Variants in CAMTA1 observed in about 807,000 individuals in gnomAD.
CAMTA1 encodes the protein calmodulin-binding transcription activator 1.
A neutral mutation model predicts 170.9 loss-of-function variants in CAMTA1; 27 were observed. The observed-to-expected ratio is 0.16, with a 90% confidence interval of 0.12 to 0.22. The LOEUF (loss-of-function observed/expected upper bound fraction) is 0.22, where lower values mean the gene tolerates loss of function less well. Among genes scored for constraint, CAMTA1 ranks in the 10% least tolerant of loss-of-function variants. CAMTA1 has a pLI of 1.00. For missense variants in CAMTA1, 1,619 were observed against 2,217.2 expected, an observed-to-expected ratio of 0.73 and a Z score of 5.42; for synonymous variants, 833 against 891.5, an observed-to-expected ratio of 0.93 and a Z score of 1.17.
intron 4 of CAMTA1, among the ~76,000 whole-genome samples, chr1:7,159,056 C>A (rs934008002): frequency 6.6e-6 from 1 of 151,572 alleles, no homozygotes; most frequent in Non-Finnish European, 1.5e-5. Context: ...TGAAGTGTTA[C>A]GTACTATTTT....
chr1:6,876,182 G>T (rs993217519), intron 3 of CAMTA1, among the ~76,000 whole-genome samples: 1 of 151,650 alleles, frequency 6.6e-6, no homozygotes, highest in Non-Finnish European at 1.5e-5. Context: ...TCTTTTATGG[G>T]TTTATCGTTC....
At chr1:7,544,296 A>G (rs2094657468) in intron 6 of CAMTA1, among the ~76,000 whole-genome samples, 1 of 152,240 alleles carries the variant, frequency 6.6e-6, no homozygotes, top group South Asian at 2.1e-4. Flanking sequence ...CGAGAACAGT[A>G]TGGGGGCAAC....
chr1:7,077,142 G>A (rs1011949937), intron 3 of CAMTA1, among the ~76,000 whole-genome samples: 3 of 151,614 alleles, frequency 2.0e-5, no homozygotes, highest in African/African-American at 7.3e-5. Context: ...TGAGGCATTT[G>A]CTAATGAATC....
intron 3 of CAMTA1, among the ~76,000 whole-genome samples, chr1:6,954,405 T>G (rs1689080674): frequency 6.6e-6 from 1 of 152,210 alleles, no homozygotes; most frequent in Non-Finnish European, 1.5e-5. Context: ...TTATTTATCC[T>G]CATAAACCAT....
In CAMTA1 at chr1:7,609,150, G is replaced by A. The variant is rs1188420467; in HGVS notation, c.511-31250G>A. Among the ~76,000 whole-genome samples, 1 of 152,122 alleles carries A rather than the reference G, an allele frequency of 6.6e-6. No homozygotes were observed. Among genetic ancestry groups the A allele is most frequent in the African/African-American group, 2.4e-5 (1 of 41,436 alleles). Reference sequence around the variant, plus strand: ...CCCTTCCCACTACCGGCCTAGCCCTGCCGCCTGTGCCTTGCCTCCTGGCCT... The same window carrying A: ...CCCTTCCCACTACCGGCCTAGCCCTACCGCCTGTGCCTTGCCTCCTGGCCT... On this transcript the variant is annotated intron_variant, in intron 6 of 22. Coordinates refer to ENST00000303635, the MANE Select transcript of CAMTA1 (RefSeq NM_015215.4). This position sits in a 1 kb window ranked among gnomAD's most constrained non-coding sequence, Gnocchi z 4.4.
chr1:7,046,329 G>C (rs1279368667), intron 3 of CAMTA1, among the ~76,000 whole-genome samples: 1 of 152,170 alleles, frequency 6.6e-6, no homozygotes, highest in East Asian at 1.9e-4. Context: ...GGCTTGGTTG[G>C]ACCTGGAACA....
At chr1:7,132,609 G>A (rs1486024685) in intron 4 of CAMTA1, among the ~76,000 whole-genome samples, 3 of 152,208 alleles carry the variant, frequency 2.0e-5, no homozygotes, top group South Asian at 4.1e-4. Flanking sequence ...ACTTTGGGAG[G>A]CTGAGGCTGG....
rs184716709 is a variant in CAMTA1, at chr1:7,625,646, C to G, written c.511-14754C>G. Among the ~76,000 whole-genome samples the G allele has an allele frequency of 2.4e-4, 37 of 152,374 alleles. No homozygotes were observed. The East Asian group carries it at 5.4e-3, about 22-fold the overall frequency. ...CACGAGCTTGCTCTCCTCTGCCATT[C>G]GCAATGGGCTGGCATAGGGCAGCCT... On this transcript the variant is annotated intron_variant, in intron 6 of 22. Coordinates refer to ENST00000303635, the MANE Select transcript of CAMTA1 (RefSeq NM_015215.4).
Position 7,664,926 on chromosome 1 carries a change from C to T in CAMTA1, c.2379C>T (p.His793=), listed in dbSNP as rs759748849. The T allele has an allele frequency of 1.9e-6, 3 of 1,613,130 alleles. No individual in the cohort carries two copies. The East Asian group carries it at 6.7e-5, about 36-fold the overall frequency. ...VEGGSSTIYG[H]QLVSGDSTAL... is the part of the protein sequence containing the mutation. ...GGGGCAGCAGCACCATCTATGGGCACCAGCTGGTGTCGGGGGACAGCACGG... is the reference window on the plus strand; with the variant it reads ...GGGGCAGCAGCACCATCTATGGGCATCAGCTGGTGTCGGGGGACAGCACGG... The change falls in exon 9 of 23, where the codon CAC becomes CAT. Residue 793 remains histidine, a synonymous_variant. Transcript: ENST00000303635.
chr1:6,833,069 G>A (rs922970096), intron 3 of CAMTA1, among the ~76,000 whole-genome samples: 5 of 152,178 alleles, frequency 3.3e-5, no homozygotes, highest in Non-Finnish European at 7.3e-5. Flanking sequence ...GAAAAGCTGG[G>A]GCGGAATGTC....
chr1:7,340,331 C>T (rs942194024), intron 5 of CAMTA1, among the ~76,000 whole-genome samples: 8 of 152,068 alleles, frequency 5.3e-5, no homozygotes, highest in African/African-American at 1.9e-4. Flanking sequence ...CTTCCTGCCC[C>T]CACTAGCCTA....
chr1:7,677,631 G>T lies in CAMTA1; in HGVS notation c.2812G>T (p.Ala938Ser). The T allele has an allele frequency of 6.2e-7, 1 of 1,614,072 alleles. No individual in the cohort carries two copies. Among genetic ancestry groups the T allele is most frequent in the Non-Finnish European group, 8.5e-7 (1 of 1,179,996 alleles). Residue 938 changes from alanine to serine, a missense_variant, in exon 11 of 23, where the codon GCC (alanine) becomes TCC (serine). Around this residue, in one of 8 missense-constraint regions of CAMTA1, gnomAD observed 143 missense variants for 184.2 expected, o/e 0.78. Transcript: ENST00000303635. ...CACTGGTCTTGTGACCCTACAAGTT[G>T]CCTTCAACAACCAGATCATCTCCAA... ...HDTGLVTLQV[A>S]FNNQIISNSV...
intron 5 of CAMTA1, among the ~76,000 whole-genome samples, chr1:7,266,886 G>A (rs1382310224): frequency 5.3e-5 from 8 of 152,168 alleles, no homozygotes; most frequent in Non-Finnish European, 1.2e-4. Flanking sequence ...CAAGGAGGGG[G>A]CGCGGTGGAG....
intron 6 of CAMTA1, among the ~76,000 whole-genome samples, chr1:7,604,330 G>C (rs2095469549): frequency 6.6e-6 from 1 of 152,234 alleles, no homozygotes; most frequent in Admixed American, 6.5e-5. Context: ...ATCAGACGTA[G>C]AGTTGGTCTT....
chr1:6,997,521 A>T lies in CAMTA1; in HGVS notation c.235-93783A>T, dbSNP rs537681099. Among the ~76,000 whole-genome samples the T allele has an allele frequency of 3.3e-5, 5 of 152,002 alleles. No individual in the cohort carries two copies. The East Asian group carries it at 9.7e-4, about 29-fold the overall frequency. On this transcript the variant is annotated intron_variant, in intron 3 of 22. Transcript: ENST00000303635. ...GCCTCTCAATTTCAGGTTTTTACAC[A>T]TCTCTCTAATTCTGGGAAATTCTTG... is the stretch of plus-strand genomic sequence containing the variant.
intron 6 of CAMTA1, among the ~76,000 whole-genome samples, chr1:7,594,095 G>A (rs1179379989): frequency 6.9e-6 from 1 of 144,282 alleles, no homozygotes; most frequent in African/African-American, 2.6e-5. Context: ...GAGAGAGAGA[G>A]GAAAGAAGAA....
chr1:7,437,119 G>A (rs969133352), intron 5 of CAMTA1, among the ~76,000 whole-genome samples: 3 of 152,108 alleles, frequency 2.0e-5, no homozygotes, highest in African/African-American at 7.2e-5. Flanking sequence ...AGAGGAGGGA[G>A]GCCCAGCAGA....
At chr1:7,449,797 G>GA (rs1297418234) in intron 5 of CAMTA1, among the ~76,000 whole-genome samples, 1 of 147,774 alleles carries the variant, frequency 6.8e-6, no homozygotes, top group Non-Finnish European at 1.5e-5. Context: ...AAGAAAGAAA[G>GA]AAAAAAGAAA....
At chr1:6,885,442 C>T (rs1390813996) in intron 3 of CAMTA1, among the ~76,000 whole-genome samples, 1 of 152,108 alleles carries the variant, frequency 6.6e-6, no homozygotes, top group Non-Finnish European at 1.5e-5. Context: ...ATGCTCAAAC[C>T]ATCCAAAGTA....
Sources: gnomAD v4.1 joint callset for allele counts (sites outside exome capture counted in the v4.1 genomes callset) on GRCh38, gnomAD v4.1.1 for gene constraint, gnomAD v4.1.1 regional missense constraint, Gnocchi (gnomAD v3.1) non-coding constraint, MANE v1.5 for transcripts, NCBI Gene and HGNC (gene_info 2026-07-23, HGNC 2026-07-21) for gene names.